Variants in FRK observed in about 807,000 individuals in gnomAD.
The protein encoded by FRK is tyrosine-protein kinase FRK.
Under a neutral mutation model 56.4 loss-of-function variants are expected in FRK, and 51 were observed. That is an observed-to-expected ratio of 0.90 (90% CI 0.72 to 1.14). The LOEUF (loss-of-function observed/expected upper bound fraction) is 1.14. Among genes scored for constraint, FRK ranks in the 50% most tolerant of loss-of-function variants. The pLI is 0.00. For synonymous variants in FRK, 245 were observed against 217.9 expected, an observed-to-expected ratio of 1.12 and a Z score of -1.10; for missense variants, 570 against 601.4, an observed-to-expected ratio of 0.95 and a Z score of 0.55.
chr6:116,039,943 T>TA (rs1170576390), intron 1 of FRK, among the ~76,000 whole-genome samples: 12,517 of 105,694 alleles, frequency 0.12, 684 homozygotes, highest in Admixed American at 0.21. Flanking sequence ...CACCTGGCAC[T>TA]AAAAAAAAAA....
At chr6:116,054,929 A>G (rs1051388460) in intron 1 of FRK, among the ~76,000 whole-genome samples, 2 of 152,104 alleles carry the variant, frequency 1.3e-5, no homozygotes, top group Non-Finnish European at 2.9e-5. Flanking sequence ...TTGTTTCTAT[A>G]CCTATAATTA....
chr6:115,944,888 C>T (rs1772360551), intron 5 of FRK, among the ~76,000 whole-genome samples: 1 of 152,030 alleles, frequency 6.6e-6, no homozygotes, highest in Admixed American at 6.6e-5. Flanking sequence ...TACCTTCACC[C>T]TCTCATAGGA....
chr6:116,014,818 G>T (rs904255024), intron 1 of FRK, among the ~76,000 whole-genome samples: 1 of 152,184 alleles, frequency 6.6e-6, no homozygotes, highest in Non-Finnish European at 1.5e-5. Flanking sequence ...TGAAAGCAAA[G>T]AGGAATTCTT....
At chr6:116,038,183 C>T (rs1180150612) in intron 1 of FRK, among the ~76,000 whole-genome samples, 1 of 152,196 alleles carries the variant, frequency 6.6e-6, no homozygotes, top group African/African-American at 2.4e-5. Context: ...TTCTGTCAAA[C>T]AGCCTGTCAT....
At chr6:116,036,128 C>A (rs1320950129) in intron 1 of FRK, among the ~76,000 whole-genome samples, 1 of 152,072 alleles carries the variant, frequency 6.6e-6, no homozygotes, top group East Asian at 1.9e-4. Flanking sequence ...TAAGTTTCAG[C>A]AAATATACTT....
intron 1 of FRK, among the ~76,000 whole-genome samples, chr6:116,042,931 G>A (rs1440264135): frequency 6.6e-6 from 1 of 151,950 alleles, no homozygotes; most frequent in Non-Finnish European, 1.5e-5. Context: ...AAGCAGGGTT[G>A]CAATCCTAGT....
At chr6:116,050,131 G>T (rs1777131493) in intron 1 of FRK, among the ~76,000 whole-genome samples, 1 of 152,160 alleles carries the variant, frequency 6.6e-6, no homozygotes, top group Admixed American at 6.6e-5. Flanking sequence ...ACCTGGACTG[G>T]CACTTAACGG....
intron 1 of FRK, among the ~76,000 whole-genome samples, chr6:116,034,856 C>T (rs1169913789): frequency 1.3e-5 from 2 of 151,800 alleles, no homozygotes; most frequent in African/African-American, 2.4e-5. Context: ...TTTAGATATA[C>T]TTACAAAATT....
intron 5 of FRK, among the ~76,000 whole-genome samples, chr6:115,946,806 T>C (rs550353813): frequency 1.9e-4 from 29 of 152,092 alleles, no homozygotes; most frequent in African/African-American, 6.5e-4. Flanking sequence ...TCAAAGGTTT[T>C]GAGAAACAGA....
At chr6:116,044,557 T>C (rs1776862313) in intron 1 of FRK, among the ~76,000 whole-genome samples, 1 of 152,078 alleles carries the variant, frequency 6.6e-6, no homozygotes, top group Admixed American at 6.5e-5. Context: ...AAAATCACAA[T>C]AAATTAGGTA....
Position 116,016,732 on chromosome 6 carries a change from T to A in FRK, c.345-12734A>T, listed in dbSNP as rs78158910. On this transcript the variant is annotated intron_variant, in intron 1 of 7. Transcript: ENST00000606080. ...GTTCTCTTTCTTTCTTCCTTCATTC[T>A]TTCTTTCTTTCTTTCTTTTTAATAA... is the stretch of plus-strand genomic sequence containing the variant. Among the ~76,000 whole-genome samples, 1,195 of 152,212 alleles carry A rather than the reference T, an allele frequency of 7.9e-3. 17 individuals are homozygous for A. The highest frequency in any genetic ancestry group is 0.028 in the African/African-American group (1,144 of 41,512).
intron 1 of FRK, among the ~76,000 whole-genome samples, chr6:116,021,942 T>A (rs1775886285): frequency 6.6e-6 from 1 of 151,702 alleles, no homozygotes; most frequent in Non-Finnish European, 1.5e-5. Flanking sequence ...ACAAGATTGT[T>A]CAAGAAAAAA....
At chr6:116,071,011 A>C in the FRK span, among the ~76,000 whole-genome samples, 1 of 152,102 alleles carries the variant, frequency 6.6e-6, no homozygotes, top group Non-Finnish European at 1.5e-5. Context: ...AAATCTGTTA[A>C]ACTTATAATG....
rs1775387223 is a variant in FRK, at chr6:116,009,582, T to G, written c.345-5584A>C. ...TTATTGATATTTTAAAAAATAATCT[T>G]TATTGACATACCATGCCATGAAAGA... On this transcript the variant is annotated intron_variant, in intron 1 of 7. Transcript: ENST00000606080. Among the ~76,000 whole-genome samples, 5 of 152,198 alleles carry G rather than the reference T, an allele frequency of 3.3e-5. No homozygotes were observed. In the South Asian group the frequency reaches 1.0e-3, roughly 32 times the overall value.
rs1329228811 is a variant in FRK, at chr6:115,932,682, T to G, written c.*9732A>C. Reference sequence around the variant, plus strand: ...AGAAATCATATGCTCAACCAGACCATGAAAAAAGTGATTGTAGGTATGGCA... The same window carrying G: ...AGAAATCATATGCTCAACCAGACCAGGAAAAAAGTGATTGTAGGTATGGCA... On this transcript the variant is annotated 3_prime_UTR_variant, in exon 8 of 8. Transcript: ENST00000606080. 1 of 152,140 alleles carries G rather than the reference T, an allele frequency of 6.6e-6. No individual in the cohort carries two copies. Among genetic ancestry groups the G allele is most frequent in the East Asian group, 1.9e-4 (1 of 5,196 alleles). The allele number at this position is 152,140 out of a possible 1,614,324, so 9.4% of individuals were successfully genotyped here. A position where few individuals can be genotyped will look rare whatever the true frequency, so the allele number is the denominator to read the frequency against.
Position 115,942,302 on chromosome 6 carries a change from C to G in FRK, c.*112G>C. On this transcript the variant is annotated 3_prime_UTR_variant, in exon 8 of 8. Transcript: ENST00000606080. The stretch of plus-strand genomic sequence containing the variant: ...ATACATGGCCAACTTTATCCTATCA[C>G]TTGAATATGTCAGGATAAACTGATT... 3.4e-6 allele frequency: 3 copies of G among 881,810 alleles called. No homozygotes were observed. The highest frequency in any genetic ancestry group is 5.3e-6 in the Non-Finnish European group (3 of 565,194). 54.6% of individuals were successfully genotyped at this position (881,810 alleles called of 1,614,324 possible).
chr6:116,030,294 G>A (rs1582733598), intron 1 of FRK, among the ~76,000 whole-genome samples: 1 of 152,106 alleles, frequency 6.6e-6, no homozygotes, highest in Admixed American at 6.6e-5. Context: ...TTGGTCCAGT[G>A]TGCCTGACCA....
At chr6:116,095,754 C>A in the FRK span, among the ~76,000 whole-genome samples, 1 of 152,184 alleles carries the variant, frequency 6.6e-6, no homozygotes, top group Admixed American at 6.5e-5. Flanking sequence ...ACTACAATCC[C>A]AAATAGACTC....
intron 1 of FRK, among the ~76,000 whole-genome samples, chr6:116,029,055 G>A (rs1362244494): frequency 6.6e-6 from 1 of 151,890 alleles, no homozygotes; most frequent in Non-Finnish European, 1.5e-5. Flanking sequence ...CCATGTTCCT[G>A]GGCACAGTTA....
Sources: gnomAD v4.1 joint callset for allele counts (sites outside exome capture counted in the v4.1 genomes callset) on GRCh38, gnomAD v4.1.1 for gene constraint, MANE v1.5 for transcripts, NCBI Gene and HGNC (gene_info 2026-07-23, HGNC 2026-07-21) for gene names.